DTNA: variants seen among roughly 807,000 people sequenced by gnomAD.
The protein encoded by DTNA is dystrobrevin alpha, also known as dystrophin-related protein 3.
DTNA carries 43 observed loss-of-function variants against 100.7 expected under a neutral mutation model. The ratio of observed to expected loss-of-function variants is 0.43; its 90% CI spans 0.33 to 0.55. The LOEUF is 0.55. DTNA is among the 20% of genes least tolerant of loss of function. The probability of loss-of-function intolerance (pLI) is 0.04; values close to 1 mark genes in which losing one functional copy is unlikely to be tolerated. For synonymous variants in DTNA, 349 were observed against 347.9 expected (o/e 1.00, Z -0.04); for missense variants, 798 against 953.9 (o/e 0.84, Z 2.15).
chr18:34,836,087 A>G (rs1242678815), intron 11 of DTNA, among the ~76,000 whole-genome samples: 2 of 152,200 alleles, frequency 1.3e-5, no homozygotes, highest in Non-Finnish European at 2.9e-5. Context: ...CAGCAGGGGT[A>G]CTGTAGGTAC....
At position 34,875,265 on chromosome 18, in the gene DTNA, C is replaced by A. The variant is rs570093404; in HGVS notation, c.1770C>A (p.Ser590=). Residue 590 remains serine (S), a synonymous_variant, in exon 18 of 23, where the codon TCC becomes TCA. Transcript: ENST00000444659. ...LKTQGAGSPR[S]SPSHTISRPI... The stretch of plus-strand genomic sequence containing the variant: ...CTCAGGGGGCAGGCTCTCCCCGCTC[C>A]TCCCCCAGCCACACCATCAGCAGGC... 25 of 1,614,128 alleles carry A rather than the reference C, an allele frequency of 1.5e-5. No individual in the cohort carries two copies. The South Asian group carries it at 2.1e-4, about 13-fold the overall frequency.
intron 1 of DTNA, among the ~76,000 whole-genome samples, chr18:34,644,438 C>T (rs1050623861): frequency 2.0e-5 from 3 of 152,082 alleles, no homozygotes; most frequent in Admixed American, 2.0e-4. Flanking sequence ...AGTTTAAACA[C>T]ACTCATTAGT....
In DTNA at chr18:34,665,102, A is replaced by G. The variant is rs1328948649; in HGVS notation, c.-1-90874A>G. Among the ~76,000 whole-genome samples the G allele has an allele frequency of 5.9e-5, 9 of 152,184 alleles. No homozygotes were observed. The East Asian group carries it at 1.7e-3, about 29-fold the overall frequency. On this transcript the variant is annotated intron_variant, in intron 1 of 19. Coordinates refer to the DTNA transcript ENST00000283365. ...ATGTCATATGCAAGGCCACCAGTTA[A>G]GGTAGAAATGCACCACTAAAGGGCA... is the stretch of plus-strand genomic sequence containing the variant.
intron 1 of DTNA, among the ~76,000 whole-genome samples, chr18:34,641,163 TC>T (rs2059238119): frequency 6.6e-6 from 1 of 152,318 alleles, no homozygotes; most frequent in Admixed American, 6.5e-5. Context: ...CAGATAATAA[TC>T]TTAACTATCT....
chr18:34,673,126 A>T (rs1050682131), intron 1 of DTNA, among the ~76,000 whole-genome samples: 1 of 152,066 alleles, frequency 6.6e-6, no homozygotes, highest in African/African-American at 2.4e-5. Context: ...TCACTCTGTC[A>T]CTCAGGCTGA....
At chr18:34,529,201 T>C (rs1243360318) in intron 1 of DTNA, among the ~76,000 whole-genome samples, 2 of 152,134 alleles carry the variant, frequency 1.3e-5, no homozygotes, top group Admixed American at 1.3e-4. Context: ...CTTGTTATAT[T>C]AGAACTCTAT....
intron 1 of DTNA, among the ~76,000 whole-genome samples, chr18:34,695,484 T>C (rs568592650): frequency 4.6e-5 from 7 of 152,288 alleles, no homozygotes; most frequent in African/African-American, 1.7e-4. Flanking sequence ...TGTGGTTGCC[T>C]GGTAACCAGT....
intron 1 of DTNA, among the ~76,000 whole-genome samples, chr18:34,609,245 C>CTTTT (rs71166019): frequency 0.043 from 5,616 of 131,210 alleles, 209 homozygotes; most frequent in Non-Finnish European, 0.069. Context: ...TGCTTTAATT[C>CTTTT]TTTTTTTTTT....
At chr18:34,810,929 T>C (rs570048831) in intron 5 of DTNA, among the ~76,000 whole-genome samples, 5 of 152,324 alleles carry the variant, frequency 3.3e-5, no homozygotes, top group African/African-American at 7.2e-5. Context: ...GAGAGTCAAT[T>C]CATGTTCTCA....
intron 1 of DTNA, among the ~76,000 whole-genome samples, chr18:34,563,056 T>A (rs2046778468): frequency 6.6e-6 from 1 of 152,192 alleles, no homozygotes; most frequent in Non-Finnish European, 1.5e-5. Flanking sequence ...TGTACTGGAT[T>A]GACTAGCTTC....
chr18:34,763,094 G>A (rs1488648998), intron 2 of DTNA, among the ~76,000 whole-genome samples: 1 of 152,152 alleles, frequency 6.6e-6, no homozygotes, highest in Admixed American at 6.5e-5. Context: ...TTCATCTGGA[G>A]CTTAAATCAT....
chr18:34,560,627 T>C (rs912981895), intron 1 of DTNA, among the ~76,000 whole-genome samples: 2 of 152,146 alleles, frequency 1.3e-5, no homozygotes, highest in African/African-American at 4.8e-5. Context: ...AATAAGAGGT[T>C]GGGCGCTATG....
chr18:34,518,021 A>G (rs1360269687), intron 1 of DTNA, among the ~76,000 whole-genome samples: 1 of 152,178 alleles, frequency 6.6e-6, no homozygotes, highest in Admixed American at 6.6e-5. Context: ...ATATTTCAGA[A>G]TGGATGTGCC....
rs11664400 is a variant in DTNA, at chr18:34,806,021, A to G, written c.363-198A>G. On this transcript the variant is annotated intron_variant, in intron 4 of 22. Transcript: ENST00000444659. ...TGTCTCTTAAGGAAACATTGAATAG[A>G]CAGTTCTTCAGATATGTGCATTGAA... Among the ~76,000 whole-genome samples, 22,595 of 152,208 alleles carry G rather than the reference A, an allele frequency of 0.15. 2,060 individuals carry two copies. The highest frequency in any genetic ancestry group is 0.26 in the African/African-American group (10,683 of 41,500).
At chr18:34,602,367 T>C (rs2052048820) in intron 1 of DTNA, among the ~76,000 whole-genome samples, 1 of 152,214 alleles carries the variant, frequency 6.6e-6, no homozygotes, top group South Asian at 2.1e-4. Flanking sequence ...TGGAACATGC[T>C]GTATACCGTA....
At chr18:34,825,365 G>A (rs541893845) in intron 9 of DTNA, 23 of 1,527,966 alleles carry the variant, frequency 1.5e-5, no homozygotes, top group Non-Finnish European at 2.0e-5. Flanking sequence ...TGAGCAATAT[G>A]AGGCTAGTTT....
chr18:34,578,584 G>A (rs2146596145), intron 1 of DTNA, among the ~76,000 whole-genome samples: 1 of 152,134 alleles, frequency 6.6e-6, no homozygotes, highest in Admixed American at 6.5e-5. Context: ...TTATCTTCTA[G>A]CATTTGCATA....
intron 11 of DTNA, among the ~76,000 whole-genome samples, chr18:34,832,194 T>C (rs2096028068): frequency 6.6e-6 from 1 of 152,214 alleles, no homozygotes; most frequent in South Asian, 2.1e-4. Context: ...AGTCATAAAA[T>C]AGATAAATTT....
chr18:34,502,142 T>A (rs2039993182), intron 1 of DTNA, among the ~76,000 whole-genome samples: 1 of 152,224 alleles, frequency 6.6e-6, no homozygotes, highest in Admixed American at 6.5e-5. Flanking sequence ...ATTTAAGTTG[T>A]CAAATTTATT....
Sources: gnomAD v4.1 joint callset for allele counts (sites outside exome capture counted in the v4.1 genomes callset) on GRCh38, gnomAD v4.1.1 for gene constraint, MANE v1.5 for transcripts, NCBI Gene and HGNC (gene_info 2026-07-23, HGNC 2026-07-21) for gene names.